RACGAP1: variants seen among roughly 807,000 people sequenced by gnomAD.
RACGAP1 encodes the protein rac GTPase-activating protein 1.
A neutral mutation model predicts 78.1 loss-of-function variants in RACGAP1; 30 were observed. That is an observed-to-expected ratio of 0.38 (90% CI 0.29 to 0.52). The LOEUF is 0.52. RACGAP1 is among the 20% of genes least tolerant of loss of function. RACGAP1 has a pLI of 0.82. For missense variants in RACGAP1, 587 were observed against 777.1 expected, an observed-to-expected ratio of 0.76 and a Z score of 2.91; for synonymous variants, 231 against 264.8, an observed-to-expected ratio of 0.87 and a Z score of 1.24.
upstream of RACGAP1, among the ~76,000 whole-genome samples, chr12:50,029,527 T>C (rs1225050146): frequency 2.0e-5 from 3 of 151,826 alleles, no homozygotes; most frequent in African/African-American, 7.3e-5. Flanking sequence ...TGAACCGAGA[T>C]TGTGCCACTG....
chr12:50,025,415 C>T lies in RACGAP1; in HGVS notation c.-22G>A. On this transcript the variant is annotated 5_prime_UTR_variant, in exon 1 of 17. Transcript: ENST00000312377. ...CTACTCACTTCAGTCAGCCTGGCCC[C>T]ACCTGGGCCACCCTTCACTTCGCTC... The T allele has an allele frequency of 3.0e-6, 3 of 985,754 alleles. No homozygotes were observed. The highest frequency in any genetic ancestry group is 2.4e-6 in the Non-Finnish European group (2 of 830,184). The allele number at this position is 985,754 out of a possible 1,614,324, so 61.1% of individuals were successfully genotyped here.
intron 10 of RACGAP1, among the ~76,000 whole-genome samples, chr12:49,996,498 A>G (rs1335732030): frequency 6.6e-6 from 1 of 151,190 alleles, no homozygotes; most frequent in Non-Finnish European, 1.5e-5. Context: ...TTAGCCGGGC[A>G]TGGTGGTGGT....
At chr12:50,005,431 G>GTT in intron 3 of RACGAP1, 39 bp from the exon 4 acceptor site, 1 of 1,608,504 alleles carries the variant, frequency 6.2e-7, no homozygotes, top group South Asian at 1.1e-5. Context: ...TAACTAGCCA[G>GTT]GGGAGAAAGC....
intron 1 of RACGAP1, among the ~76,000 whole-genome samples, chr12:50,024,644 C>T (rs1157126828): frequency 6.6e-6 from 1 of 151,954 alleles, no homozygotes; most frequent in Admixed American, 6.6e-5. Context: ...ACTTGTACCC[C>T]CTAAATATAC....
At chr12:49,992,757 G>A in intron 12 of RACGAP1, 102 bp from the exon 13 acceptor site, 2 of 781,060 alleles carry the variant, frequency 2.6e-6, no homozygotes, top group Non-Finnish European at 4.1e-6. Flanking sequence ...GTAAGCTTCT[G>A]AAACTCCTGA....
At chr12:49,998,995 C>A in intron 9 of RACGAP1, 146 bp downstream of exon 9, 1 of 993,910 alleles carries the variant, frequency 1.0e-6, no homozygotes, top group Non-Finnish European at 1.4e-6. Flanking sequence ...CCTCTGTAAC[C>A]AATAGTTACT....
chr12:49,997,279 T>C (rs1051819200), intron 9 of RACGAP1, 75 bp from the exon 10 acceptor site: 1 of 1,399,670 alleles, frequency 7.1e-7, no homozygotes, highest in Non-Finnish European at 9.4e-7. Context: ...TAACTTTTTT[T>C]TTTTTTTTTT....
At chr12:50,004,947 G>A (rs1363287626) in intron 4 of RACGAP1, among the ~76,000 whole-genome samples, 2 of 152,200 alleles carry the variant, frequency 1.3e-5, no homozygotes, top group African/African-American at 4.8e-5. Context: ...AAGTATTGCT[G>A]AACTGCCACT....
Position 49,992,284 on chromosome 12 carries a change from G to A in RACGAP1, c.1539C>T (p.Asp513=), listed in dbSNP as rs755720264. Residue 513 remains aspartate, a synonymous_variant, in exon 14 of 17, where the codon GAC becomes GAT. Transcript: ENST00000312377. ...TIVAHAVPNP[D]PVTMLQDIKR... ...TGATGTCCTGTAACATTGTCACTGG[G>A]TCTGGATTGGGCACAGCATGGGCCA... The A allele has an allele frequency of 6.2e-7, 1 of 1,614,126 alleles. No homozygotes were observed. The highest frequency in any genetic ancestry group is 8.5e-7 in the Non-Finnish European group (1 of 1,180,028).
chr12:50,011,953 C>CA (rs771572498), intron 2 of RACGAP1, among the ~76,000 whole-genome samples: 3,315 of 34,090 alleles, frequency 0.097, 356 homozygotes, highest in African/African-American at 0.19. Flanking sequence ...GACTCCGTCT[C>CA]AAAAAAAAAA....
chr12:49,998,661 A>G (rs575321978), intron 9 of RACGAP1, among the ~76,000 whole-genome samples: 1 of 152,074 alleles, frequency 6.6e-6, no homozygotes, highest in Admixed American at 6.5e-5. Flanking sequence ...GGACTTTGGG[A>G]GCTGAGGCAG....
chr12:50,019,587 G>A (rs1268171874), intron 1 of RACGAP1, among the ~76,000 whole-genome samples: 1 of 152,036 alleles, frequency 6.6e-6, no homozygotes, highest in Admixed American at 6.6e-5. Flanking sequence ...CAAGATGGGT[G>A]TGGTGGTGCG....
intron 2 of RACGAP1, among the ~76,000 whole-genome samples, chr12:50,015,688 G>A (rs1043453571): frequency 2.6e-5 from 4 of 151,834 alleles, no homozygotes; most frequent in African/African-American, 7.3e-5. Context: ...TGTAGTCCCA[G>A]CTACTCAGGA....
rs199604142 is a variant in RACGAP1 at position 49,997,210 on chromosome 12, A to G, written c.880-6T>C. On this transcript the variant is annotated splice_region_variant and splice_polypyrimidine_tract_variant and intron_variant, in intron 9 of 16. Coordinates refer to ENST00000312377, the MANE Select transcript of RACGAP1 (RefSeq NM_001319999.2). The stretch of plus-strand genomic sequence containing the variant: ...CAGGATTCAGGTTTAATAACCTGGG[A>G]TAAAACAGGGCAGAAGGAACAGAGT... 9 of 1,573,958 alleles carry G rather than the reference A, an allele frequency of 5.7e-6. No individual in the cohort carries two copies. Among genetic ancestry groups the G allele is most frequent in the Non-Finnish European group, 8.7e-7 (1 of 1,151,978 alleles).
intron 2 of RACGAP1, among the ~76,000 whole-genome samples, chr12:50,030,556 G>A (rs914170559): frequency 6.6e-6 from 1 of 151,196 alleles, no homozygotes; most frequent in Non-Finnish European, 1.5e-5. Flanking sequence ...GGGCGTCGTG[G>A]CACATGCCTA....
At position 49,994,138 on chromosome 12, in the gene RACGAP1, T is replaced by C. The variant is rs773454287; in HGVS notation, c.1332A>G (p.Glu444=). Residue 444 remains glutamate (E), a synonymous_variant, in exon 12 of 17, where the codon GAA becomes GAG. Coordinates refer to ENST00000312377, the MANE Select transcript of RACGAP1 (RefSeq NM_001319999.2). ...TATTACATCTGCCCTTACCTGCTGCTTCCATAAAGGCTCTGTTAAGGCGAA... is the reference window on the plus strand; with the variant it reads ...TATTACATCTGCCCTTACCTGCTGCCTCCATAAAGGCTCTGTTAAGGCGAA... ...LTFRLNRAFM[E]AAEITDEDNS... 4.7e-5 allele frequency: 76 copies of C among 1,611,838 alleles called. No homozygotes were observed. The highest frequency in any genetic ancestry group is 6.4e-5 in the Non-Finnish European group (76 of 1,179,290).
intron 2 of RACGAP1, among the ~76,000 whole-genome samples, chr12:50,010,739 C>T (rs1949271772): frequency 6.6e-6 from 1 of 151,678 alleles, no homozygotes; most frequent in African/African-American, 2.4e-5. Flanking sequence ...TCGAGACCAG[C>T]CTGACCAATA....
chr12:50,023,744 A>C (rs1334045891), intron 1 of RACGAP1, among the ~76,000 whole-genome samples: 1 of 152,140 alleles, frequency 6.6e-6, no homozygotes, highest in Non-Finnish European at 1.5e-5. Context: ...AAAAAGAAAA[A>C]GAAAAAGAAA....
intron 16 of RACGAP1, among the ~76,000 whole-genome samples, 154 bp from the exon 17 acceptor site, chr12:49,990,497 G>C (rs1366572221): frequency 6.6e-6 from 1 of 152,002 alleles, no homozygotes; most frequent in Non-Finnish European, 1.5e-5. Context: ...CCAACAACGA[G>C]AGAGGGGAAA....
Sources: allele counts gnomAD v4.1 joint callset (sites outside exome capture counted in the v4.1 genomes callset), GRCh38; gene constraint gnomAD v4.1.1; transcripts MANE v1.5; gene names NCBI Gene and HGNC (gene_info 2026-07-23, HGNC 2026-07-21).